Variants in LHFPL6 observed in about 807,000 individuals in gnomAD.
LHFPL6 encodes LHFPL tetraspan subfamily member 6 protein.
Under a neutral mutation model 20.6 loss-of-function variants are expected in LHFPL6, and 9 were observed. The ratio of observed to expected loss-of-function variants is 0.44; its 90% CI spans 0.26 to 0.76. The LOEUF (loss-of-function observed/expected upper bound fraction) is 0.76. Ranked by LOEUF, LHFPL6 falls within the 30% of genes least tolerant of loss-of-function variation. The probability of loss-of-function intolerance (pLI) is 0.20; values close to 1 mark genes in which losing one functional copy is unlikely to be tolerated. For missense variants in LHFPL6, 218 were observed against 253.5 expected (o/e 0.86, Z 0.95); for synonymous variants, 105 against 98.7 (o/e 1.06, Z -0.38).
intron 2 of LHFPL6, among the ~76,000 whole-genome samples, chr13:39,581,418 A>G (rs1183488633): frequency 2.0e-5 from 3 of 152,022 alleles, no homozygotes; most frequent in Non-Finnish European, 4.4e-5. Flanking sequence ...TGAATTTTAA[A>G]TGTTTCCTAC....
intron 2 of LHFPL6, among the ~76,000 whole-genome samples, chr13:39,473,169 G>A (rs1322788992): frequency 2.6e-5 from 4 of 151,668 alleles, no homozygotes; most frequent in African/African-American, 9.7e-5. Context: ...TTCCATGGAG[G>A]CCTCCTTTTA....
intron 3 of LHFPL6, among the ~76,000 whole-genome samples, chr13:39,356,956 G>A (rs1230396881): frequency 4.6e-5 from 7 of 152,188 alleles, no homozygotes; most frequent in Non-Finnish European, 1.0e-4. Flanking sequence ...GATCACTTGA[G>A]CTCAGAAGTT....
chr13:39,376,443 A>G (rs1269830392), intron 3 of LHFPL6, among the ~76,000 whole-genome samples: 1 of 152,192 alleles, frequency 6.6e-6, no homozygotes, highest in Admixed American at 6.5e-5. Context: ...AGGTAAAAGG[A>G]AATCTCTTAT....
At chr13:39,505,314 A>G (rs1024442794) in intron 2 of LHFPL6, among the ~76,000 whole-genome samples, 4 of 152,218 alleles carry the variant, frequency 2.6e-5, no homozygotes, top group Non-Finnish European at 4.4e-5. Flanking sequence ...GTAGAATCTC[A>G]GTGGAACTCA....
chr13:39,507,904 T>TTCCTTCCTCCCTTCTTTCCTTCCC (rs61373894), intron 2 of LHFPL6, among the ~76,000 whole-genome samples: 1 of 147,430 alleles, frequency 6.8e-6, no homozygotes, highest in African/African-American at 2.5e-5. Context: ...CCTTCCTTCC[T>TTCCTTCCTCCCTTCTTTCCTTCCC]CCCTTCTTTC....
rs573890978 is a variant in LHFPL6, at chr13:39,356,443, T to C, written c.485-12389A>G. 2.2e-3 allele frequency among the ~76,000 whole-genome samples: 333 copies of C among 152,258 alleles called. 1 individual carries two copies. The highest frequency in any genetic ancestry group is 7.5e-3 in the African/African-American group (311 of 41,560). ...TTAGAAAGATCTCAAGTTAATAATC[T>C]AACATCATATCTGTGGGAAAAGAAA... On this transcript the variant is annotated intron_variant, in intron 3 of 3. Coordinates refer to ENST00000379589, the MANE Select transcript of LHFPL6 (RefSeq NM_005780.3).
intron 2 of LHFPL6, among the ~76,000 whole-genome samples, chr13:39,448,829 T>C (rs1872363340): frequency 6.6e-6 from 1 of 152,246 alleles, no homozygotes; most frequent in South Asian, 2.1e-4. Flanking sequence ...CTTAATGTGC[T>C]TATTTCAGGA....
chr13:39,598,659 C>T (rs1872839759), intron 2 of LHFPL6, among the ~76,000 whole-genome samples: 1 of 152,064 alleles, frequency 6.6e-6, no homozygotes, highest in Non-Finnish European at 1.5e-5. Context: ...GGGTTCACGC[C>T]ATTCTCCTGC....
chr13:39,367,158 T>C (rs1014882142), intron 3 of LHFPL6, among the ~76,000 whole-genome samples: 26 of 152,146 alleles, frequency 1.7e-4, no homozygotes, highest in African/African-American at 5.1e-4. Context: ...GAATTAGAAC[T>C]GGTGCATGGC....
chr13:39,478,205 T>A (rs551171631), intron 2 of LHFPL6, among the ~76,000 whole-genome samples: 1 of 152,254 alleles, frequency 6.6e-6, no homozygotes, highest in East Asian at 1.9e-4. Context: ...AGTTAATACA[T>A]TCCACCTAGA....
chr13:39,509,406 T>TTTTA (rs1352402148), intron 2 of LHFPL6, among the ~76,000 whole-genome samples: 2 of 152,056 alleles, frequency 1.3e-5, no homozygotes, highest in Admixed American at 1.3e-4. Context: ...CTTCTAGAAG[T>TTTTA]TTTATAGTTG....
Position 39,521,806 on chromosome 13 carries a change from T to TTGCAGATTACTATTGGCTTGCTC in LHFPL6, c.385+79025_385+79026insGAGCAAGCCAATAGTAATCTGCA, listed in dbSNP as rs1228508322. Among the ~76,000 whole-genome samples the TTGCAGATTACTATTGGCTTGCTC allele has an allele frequency of 3.1e-3, 475 of 152,336 alleles. 2 individuals are homozygous for TTGCAGATTACTATTGGCTTGCTC. The highest frequency in any genetic ancestry group is 5.6e-3 in the Non-Finnish European group (382 of 68,026). ...TTTGCAGATTACTTTTTGGCTTGCT[T>TTGCAGATTACTATTGGCTTGCTC]TGCAGATTATTATTGGCTTGCTCTG... On this transcript the variant is annotated intron_variant, in intron 2 of 3. Coordinates refer to ENST00000379589, the MANE Select transcript of LHFPL6 (RefSeq NM_005780.3).
chr13:39,525,388 TA>T (rs2138489703), intron 2 of LHFPL6, among the ~76,000 whole-genome samples: 1 of 152,222 alleles, frequency 6.6e-6, no homozygotes, highest in African/African-American at 2.4e-5. Flanking sequence ...ATGAAATAAC[TA>T]ATTTTCATAA....
chr13:39,368,608 G>A (rs1016961196), intron 3 of LHFPL6, among the ~76,000 whole-genome samples: 2 of 151,600 alleles, frequency 1.3e-5, no homozygotes, highest in African/African-American at 2.4e-5. Flanking sequence ...CATCAAAAAA[G>A]ACACAAAATC....
At chr13:39,472,848 T>A (rs1872982921) in intron 2 of LHFPL6, among the ~76,000 whole-genome samples, 1 of 152,188 alleles carries the variant, frequency 6.6e-6, no homozygotes, top group Non-Finnish European at 1.5e-5. Context: ...TGACCTCAGG[T>A]GGTCCACCCG....
chr13:39,564,358 A>G (rs1871644907), intron 2 of LHFPL6, among the ~76,000 whole-genome samples: 3 of 152,226 alleles, frequency 2.0e-5, no homozygotes, highest in Admixed American at 2.0e-4. Context: ...AATAAAAATG[A>G]ACATTAAATA....
At chr13:39,468,091 GC>G (rs912639953) in intron 2 of LHFPL6, among the ~76,000 whole-genome samples, 2 of 152,070 alleles carry the variant, frequency 1.3e-5, no homozygotes, top group Admixed American at 6.6e-5. Flanking sequence ...TCCATTCAAT[GC>G]CAATAAAATC....
chr13:39,399,119 G>A (rs938715813), intron 2 of LHFPL6, among the ~76,000 whole-genome samples: 14 of 152,062 alleles, frequency 9.2e-5, no homozygotes, highest in Admixed American at 2.0e-4. Context: ...AAATCCTATG[G>A]TTATCCAGAC....
chr13:39,571,174 A>G (rs1024423396), intron 2 of LHFPL6, among the ~76,000 whole-genome samples: 1 of 152,224 alleles, frequency 6.6e-6, no homozygotes, highest in Non-Finnish European at 1.5e-5. Flanking sequence ...ATGCCTAGAC[A>G]GATAGGGCAG....
Sources: allele counts gnomAD v4.1 joint callset (sites outside exome capture counted in the v4.1 genomes callset), GRCh38; gene constraint gnomAD v4.1.1; transcripts MANE v1.5; gene names NCBI Gene and HGNC (gene_info 2026-07-23, HGNC 2026-07-21).